Variants in ACVR2B observed in about 807,000 individuals in gnomAD.
ACVR2B encodes the protein activin A receptor type 2B, also known as activin receptor type-2B.
In ACVR2B, 18 loss-of-function variants were observed where a neutral mutation model predicts 65.1. The ratio of observed to expected loss-of-function variants is 0.28; its 90% CI spans 0.19 to 0.41. The LOEUF is 0.41. ACVR2B is among the 10% of genes least tolerant of loss of function. ACVR2B has a pLI of 1.00. For missense variants in ACVR2B, 482 were observed against 682.7 expected, an observed-to-expected ratio of 0.71 and a Z score of 3.28; for synonymous variants, 298 against 277.7, an observed-to-expected ratio of 1.07 and a Z score of -0.73.
intron 1 of ACVR2B, among the ~76,000 whole-genome samples, chr3:38,467,987 TC>T (rs1709760426): frequency 6.6e-6 from 1 of 152,102 alleles, no homozygotes; most frequent in Non-Finnish European, 1.5e-5. Context: ...TAAGTGATCT[TC>T]CCACCTCAGC....
At chr3:38,479,860 G>C (rs1452508443) in intron 7 of ACVR2B, 34 bp downstream of exon 7, 6 of 1,610,532 alleles carry the variant, frequency 3.7e-6, no homozygotes, top group Non-Finnish European at 4.2e-6. Context: ...TCCTGCACTT[G>C]ACCTGGAGCT....
At chr3:38,463,036 C>T (rs558565811) in intron 1 of ACVR2B, among the ~76,000 whole-genome samples, 11 of 152,152 alleles carry the variant, frequency 7.2e-5, no homozygotes, top group Middle Eastern at 3.4e-3. Flanking sequence ...GAAGGGTGCG[C>T]GGACATGGGA....
At chr3:38,459,129 C>T (rs762399113) in intron 1 of ACVR2B, among the ~76,000 whole-genome samples, 35 of 152,296 alleles carry the variant, frequency 2.3e-4, no homozygotes, top group Non-Finnish European at 4.7e-4. Context: ...GTAGGGGTAA[C>T]GGCTTTTGAG....
chr3:38,473,012 T>C (rs1034794768), intron 1 of ACVR2B, among the ~76,000 whole-genome samples: 3 of 152,172 alleles, frequency 2.0e-5, no homozygotes, highest in Non-Finnish European at 4.4e-5. Flanking sequence ...GCAGTCTGCA[T>C]GTACTGTGTG....
chr3:38,492,059 A>T lies in ACVR2B; in HGVS notation c.*8727A>T, dbSNP rs943932704. 6.6e-6 allele frequency: 1 copy of T among 152,256 alleles called. No homozygotes were observed. The highest frequency in any genetic ancestry group is 6.5e-5 in the Admixed American group (1 of 15,294). The allele number at this position is 152,256 out of a possible 1,614,324, so 9.4% of individuals were successfully genotyped here. ...TTAACTTACATCGAGTTTGTTGTCA[A>T]TTCTTATGAAAAGAGCTTTCTGCAT... On this transcript the variant is annotated 3_prime_UTR_variant, in exon 11 of 11. Transcript: ENST00000352511.
chr3:38,464,177 G>A (rs1007574979), intron 1 of ACVR2B, among the ~76,000 whole-genome samples: 3 of 152,228 alleles, frequency 2.0e-5, no homozygotes, highest in Non-Finnish European at 2.9e-5. Context: ...AAACAATAAA[G>A]TTTGGTTGAA....
chr3:38,465,552 TTA>T (rs1483609265), intron 1 of ACVR2B, among the ~76,000 whole-genome samples: 1 of 152,218 alleles, frequency 6.6e-6, no homozygotes, highest in East Asian at 1.9e-4. Context: ...ATGAATGCTT[TTA>T]TCAGGGGATT....
At position 38,485,840 on chromosome 3, in the gene ACVR2B, T is replaced by C. The variant is rs1710111271; in HGVS notation, c.*2508T>C. 6.6e-6 allele frequency: 1 copy of C among 152,570 alleles called. No homozygotes were observed. Among genetic ancestry groups the C allele is most frequent in the Non-Finnish European group, 1.5e-5 (1 of 68,022 alleles). 9.5% of individuals were successfully genotyped at this position (152,570 alleles called of 1,614,324 possible). ...ATTGAAAAGTGCCATATCTAATTTCTTTAGCTTTCGCCTCAGGCAGTGCAG... is the reference window on the plus strand; with the variant it reads ...ATTGAAAAGTGCCATATCTAATTTCCTTAGCTTTCGCCTCAGGCAGTGCAG... On this transcript the variant is annotated 3_prime_UTR_variant, in exon 11 of 11. Coordinates refer to ENST00000352511, the MANE Select transcript of ACVR2B (RefSeq NM_001106.4).
rs766430238 is a variant in ACVR2B, at chr3:38,481,445, C to G, written c.1054C>G (p.Pro352Ala). 7.4e-6 allele frequency: 12 copies of G among 1,614,190 alleles called. No homozygotes were observed. The African/African-American group carries it at 1.6e-4, about 22-fold the overall frequency. The change falls in exon 8 of 11, where the codon CCA becomes GCA. Residue 352 changes from proline (P) to alanine (A), a missense_variant. By Grantham distance (27) the Pro-to-Ala change is conservative. Coordinates refer to ENST00000352511, the MANE Select transcript of ACVR2B (RefSeq NM_001106.4). This position sits in a 1 kb window ranked among gnomAD's most constrained non-coding sequence, Gnocchi z 4.7. ...LAVRFEPGKP[P>A]GDTHGQVGTR... is the part of the protein sequence containing the mutation. ...TGTTCGATTTGAGCCAGGGAAACCT[C>G]CAGGGGACACCCACGGACAGGTAAC...
rs569501483 is a variant in ACVR2B at position 38,463,380 on chromosome 3, G to A, written c.52+9006G>A. Among the ~76,000 whole-genome samples the A allele has an allele frequency of 1.7e-3, 255 of 152,338 alleles. 1 individual carries two copies. Among genetic ancestry groups the A allele is most frequent in the African/African-American group, 5.2e-3 (215 of 41,566 alleles). On this transcript the variant is annotated intron_variant, in intron 1 of 10. Transcript: ENST00000352511. The stretch of plus-strand genomic sequence containing the variant: ...TTCATATGTCGTGATAATGACGTTG[G>A]GGGTATTGGAGAAACCTGTAGAAAA...
rs1710054321 is a variant in ACVR2B at position 38,483,355 on chromosome 3, C to T, written c.*23C>T. On this transcript the variant is annotated 3_prime_UTR_variant, in exon 11 of 11. Coordinates refer to ENST00000352511, the MANE Select transcript of ACVR2B (RefSeq NM_001106.4). This position sits in a 1 kb window ranked among gnomAD's most constrained non-coding sequence, Gnocchi z 4.8. The stretch of plus-strand genomic sequence containing the variant: ...TAAGCCCAGGACATGAGTGTCTGTC[C>T]AGACTCAGTGGATCTGAAGAAAAAA... 2 of 1,613,168 alleles carry T rather than the reference C, an allele frequency of 1.2e-6. No homozygotes were observed. Among genetic ancestry groups the T allele is most frequent in the South Asian group, 1.1e-5 (1 of 91,052 alleles).
chr3:38,483,432 T>A lies in ACVR2B; in HGVS notation c.*100T>A. ...AAATCCCATAAAACCAACAAACACATAAAATGCAGCTGCTATTTTACCTTG... is the reference window on the plus strand; with the variant it reads ...AAATCCCATAAAACCAACAAACACAAAAAATGCAGCTGCTATTTTACCTTG... On this transcript the variant is annotated 3_prime_UTR_variant, in exon 11 of 11. Coordinates refer to ENST00000352511, the MANE Select transcript of ACVR2B (RefSeq NM_001106.4). This position sits in a 1 kb window ranked among gnomAD's most constrained non-coding sequence, Gnocchi z 4.8. The A allele has an allele frequency of 9.6e-7, 1 of 1,044,826 alleles. No individual in the cohort carries two copies. The highest frequency in any genetic ancestry group is 1.3e-5 in the South Asian group (1 of 74,928). 64.7% of individuals were successfully genotyped at this position (1,044,826 alleles called of 1,614,324 possible).
At chr3:38,474,620 G>A (rs1028818217) in intron 1 of ACVR2B, 1 of 152,240 alleles carries the variant, frequency 6.6e-6, no homozygotes, top group Non-Finnish European at 1.5e-5. Context: ...GAGTACATGT[G>A]TAATGTTTTA....
At chr3:38,459,733 G>C in intron 1 of ACVR2B, 1 of 939,298 alleles carries the variant, frequency 1.1e-6, no homozygotes, top group Non-Finnish European at 1.3e-6. Context: ...GGCCAGATGG[G>C]AATCTGAGGG....
intron 3 of ACVR2B, 78 bp downstream of exon 3, chr3:38,478,048 T>G (rs1018158633): frequency 1.6e-5 from 26 of 1,595,438 alleles, no homozygotes; most frequent in Non-Finnish European, 2.1e-5. Flanking sequence ...GGCTCCTCAG[T>G]TGGGTGGGGT....
At position 38,488,770 on chromosome 3, in the gene ACVR2B, A is replaced by T. The variant is rs145508555; in HGVS notation, c.*5438A>T. The T allele has an allele frequency of 1.3e-5, 2 of 152,270 alleles. No individual in the cohort carries two copies. The highest frequency in any genetic ancestry group is 2.9e-5 in the Non-Finnish European group (2 of 68,030). The allele number at this position is 152,270 out of a possible 1,614,324, so 9.4% of individuals were successfully genotyped here. ...GAGGTAACCGAAGTGATTTTTCCTC[A>T]GTAATTGAAACACATATTCTCTAAA... On this transcript the variant is annotated 3_prime_UTR_variant, in exon 11 of 11. Transcript: ENST00000352511.
chr3:38,474,997 G>C (rs1187665650), intron 1 of ACVR2B: 2 of 152,320 alleles, frequency 1.3e-5, no homozygotes, highest in Non-Finnish European at 2.9e-5. Context: ...GCAGCTTCAT[G>C]GCTGGCCCCA....
chr3:38,473,266 G>A (rs1195819082), intron 1 of ACVR2B, among the ~76,000 whole-genome samples: 1 of 152,080 alleles, frequency 6.6e-6, no homozygotes, highest in Non-Finnish European at 1.5e-5. Flanking sequence ...GGTGTCTGGG[G>A]GCCATGCTCA....
At chr3:38,462,736 T>G (rs2125714158) in intron 1 of ACVR2B, among the ~76,000 whole-genome samples, 1 of 152,368 alleles carries the variant, frequency 6.6e-6, no homozygotes. Flanking sequence ...TTCTTACTGA[T>G]GGACTTTGTG....
Sources: allele counts gnomAD v4.1 joint callset (sites outside exome capture counted in the v4.1 genomes callset), GRCh38; gene constraint gnomAD v4.1.1; non-coding constraint Gnocchi (gnomAD v3.1); transcripts MANE v1.5; gene names NCBI Gene and HGNC (gene_info 2026-07-23, HGNC 2026-07-21).